The following PYGO1 variants were observed in gnomAD, a reference collection of about 807,000 sequenced individuals.
The protein encoded by PYGO1 is pygopus homolog 1.
A neutral mutation model predicts 29.5 loss-of-function variants in PYGO1; 6 were observed. The observed-to-expected ratio is 0.20, with a 90% CI of 0.11 to 0.40. PYGO1 has a LOEUF of 0.40. Ranked by LOEUF, PYGO1 falls within the 10% of genes least tolerant of loss-of-function variation. PYGO1 has a pLI of 1.00. For synonymous variants in PYGO1, 186 were observed against 180.5 expected, an observed-to-expected ratio of 1.03 and a Z score of -0.24; for missense variants, 515 against 514.9, an observed-to-expected ratio of 1.00 and a Z score of 0.00.
rs1001184185 is a variant in PYGO1, at chr15:55,546,505, A to G, written c.778T>C (p.Leu260=). The stretch of plus-strand genomic sequence containing the variant: ...TGATTCACTGTGTCATCCATATTCA[A>G]GTGAGGTGGATGAGCAGAGGAATTT... The part of the protein sequence containing the change: ...NQNSSAHPPH[L]NMDDTVNQSN... The change falls in exon 3 of 3, where the codon TTG becomes CTG. Residue 260 remains leucine, a synonymous_variant. Transcript: ENST00000563719. The G allele has an allele frequency of 2.5e-6, 4 of 1,614,042 alleles. No individual in the cohort carries two copies. The highest frequency in any genetic ancestry group is 3.3e-5 in the Admixed American group (2 of 60,016).
At chr15:55,554,719 T>A (rs1224151216) in intron 1 of PYGO1, among the ~76,000 whole-genome samples, 2 of 152,008 alleles carry the variant, frequency 1.3e-5, no homozygotes, top group Non-Finnish European at 2.9e-5. Flanking sequence ...GAGAACCTCA[T>A]GATGTAATTA....
chr15:55,548,176 C>T (rs1160055155), intron 2 of PYGO1, among the ~76,000 whole-genome samples: 2 of 151,962 alleles, frequency 1.3e-5, no homozygotes, highest in African/African-American at 4.8e-5. Flanking sequence ...TGTGCCACCA[C>T]ACCCGGCTAA....
intron 1 of PYGO1, among the ~76,000 whole-genome samples, chr15:55,565,548 A>C (rs1362069229): frequency 6.6e-6 from 1 of 151,440 alleles, no homozygotes; most frequent in African/African-American, 2.4e-5. Flanking sequence ...TACTAAAAAT[A>C]AAAATTAAAA....
rs1350890761 is a variant in PYGO1, at chr15:55,588,057, G to T, written c.-174C>A. The T allele has an allele frequency of 8.7e-7, 1 of 1,146,578 alleles. No individual in the cohort carries two copies. The highest frequency in any genetic ancestry group is 1.1e-6 in the Non-Finnish European group (1 of 933,604). The allele number at this position is 1,146,578 out of a possible 1,614,324, so 71.0% of individuals were successfully genotyped here. On this transcript the variant is annotated 5_prime_UTR_variant, in exon 1 of 3. Transcript: ENST00000563719. The stretch of plus-strand genomic sequence containing the variant: ...CCGACTTTGCAAAGTTTGGGAGGAG[G>T]ACGAGGCCTCGGGGCGGCGGGGCGG...
At chr15:55,586,821 C>T (rs1266077321) in intron 1 of PYGO1, among the ~76,000 whole-genome samples, 2 of 152,214 alleles carry the variant, frequency 1.3e-5, no homozygotes, top group East Asian at 1.9e-4. Context: ...CCATACTTCC[C>T]ATCCCCACAC....
chr15:55,554,651 A>G (rs9744862), intron 1 of PYGO1, among the ~76,000 whole-genome samples: 47,046 of 151,780 alleles, frequency 0.31, 7,623 homozygotes, highest in Middle Eastern at 0.41. Flanking sequence ...GCTGATAACC[A>G]GAAGAGCCAG....
intron 1 of PYGO1, among the ~76,000 whole-genome samples, chr15:55,582,593 T>C (rs2059029703): frequency 6.6e-6 from 1 of 152,130 alleles, no homozygotes; most frequent in Non-Finnish European, 1.5e-5. Flanking sequence ...CATGAGCTCA[T>C]ACACTCCCAA....
intron 2 of PYGO1, among the ~76,000 whole-genome samples, chr15:55,547,953 T>C (rs1373348480): frequency 6.6e-6 from 1 of 152,258 alleles, no homozygotes; most frequent in Non-Finnish European, 1.5e-5. Flanking sequence ...TTTTGAAATC[T>C]TTTAATAGAA....
chr15:55,573,003 G>A (rs559979734), intron 1 of PYGO1, among the ~76,000 whole-genome samples: 2 of 94,106 alleles, frequency 2.1e-5, no homozygotes, highest in Middle Eastern at 5.6e-3. Context: ...GTGAGACTCT[G>A]TCTTTAAAAA....
chr15:55,580,822 G>T (rs927692114), intron 1 of PYGO1, among the ~76,000 whole-genome samples: 5 of 152,124 alleles, frequency 3.3e-5, no homozygotes, highest in African/African-American at 9.7e-5. Context: ...GACCTATCGG[G>T]TTGCCTAAAA....
chr15:55,581,133 A>T (rs2141677478), intron 1 of PYGO1, among the ~76,000 whole-genome samples: 1 of 152,348 alleles, frequency 6.6e-6, no homozygotes, highest in South Asian at 2.1e-4. Context: ...GAGAGAACAT[A>T]AGGAACTCCC....
Position 55,546,291 on chromosome 15 carries a change from C to T in PYGO1, c.992G>A (p.Arg331His), listed in dbSNP as rs561670102. The change falls in exon 3 of 3, where the codon CGT (arginine) becomes CAT (histidine). Residue 331 changes from arginine to histidine, a missense_variant. Coordinates refer to ENST00000563719, the MANE Select transcript of PYGO1 (RefSeq NM_001367806.1). ...KSNKSSLHPN[R>H]HGHSSSDPVY... ...TGGGTCAGAAGACGAATGGCCATGA[C>T]GGTTTGGGTGAAGAGAGGATTTATT... 7.4e-6 allele frequency: 12 copies of T among 1,614,148 alleles called. No individual in the cohort carries two copies. Among genetic ancestry groups the T allele is most frequent in the African/African-American group, 1.3e-5 (1 of 75,018 alleles).
chr15:55,565,745 G>C (rs568551808), intron 1 of PYGO1, among the ~76,000 whole-genome samples: 5 of 151,924 alleles, frequency 3.3e-5, no homozygotes, highest in South Asian at 2.1e-4. Flanking sequence ...AAAACAAAAA[G>C]AAACATATTT....
In PYGO1 at chr15:55,539,477, T is replaced by C. The variant is rs2058820135; in HGVS notation, c.*6546A>G. 1 of 152,106 alleles carries C rather than the reference T, an allele frequency of 6.6e-6. No individual in the cohort carries two copies. The highest frequency in any genetic ancestry group is 6.6e-5 in the Admixed American group (1 of 15,264). The allele number at this position is 152,106 out of a possible 1,614,324, so 9.4% of individuals were successfully genotyped here. ...AATTTGGGGTAATCTAGTCATTTCA[T>C]ACTTTATTTAAATTTTTCCACAAAG... is the stretch of plus-strand genomic sequence containing the variant. On this transcript the variant is annotated 3_prime_UTR_variant, in exon 3 of 3. Transcript: ENST00000563719.
intron 1 of PYGO1, among the ~76,000 whole-genome samples, chr15:55,577,931 T>C (rs1387193872): frequency 1.3e-5 from 2 of 152,004 alleles, no homozygotes; most frequent in Non-Finnish European, 2.9e-5. Flanking sequence ...GCTGCCACCA[T>C]GCTTGGTGAA....
chr15:55,561,408 G>A (rs139932268), intron 1 of PYGO1, among the ~76,000 whole-genome samples: 9 of 152,242 alleles, frequency 5.9e-5, no homozygotes, highest in East Asian at 1.9e-4. Flanking sequence ...CACATGGCCC[G>A]GGAGGCCTCA....
intron 1 of PYGO1, among the ~76,000 whole-genome samples, chr15:55,557,863 A>T (rs1425161061): frequency 1.3e-5 from 2 of 152,358 alleles, no homozygotes; most frequent in East Asian, 3.9e-4. Context: ...GGAGCTATTT[A>T]TGACATACCC....
At chr15:55,559,723 G>A (rs1300122188) in intron 1 of PYGO1, among the ~76,000 whole-genome samples, 1 of 152,128 alleles carries the variant, frequency 6.6e-6, no homozygotes, top group Non-Finnish European at 1.5e-5. Flanking sequence ...AAACCTGGCA[G>A]AGATAAAACA....
intron 1 of PYGO1, among the ~76,000 whole-genome samples, chr15:55,563,859 G>A (rs187308550): frequency 4.6e-5 from 7 of 152,160 alleles, no homozygotes; most frequent in East Asian, 1.9e-4. Flanking sequence ...AATTAAAACC[G>A]CAATGAGATA....
Sources: gnomAD v4.1 joint callset for allele counts (sites outside exome capture counted in the v4.1 genomes callset) on GRCh38, gnomAD v4.1.1 for gene constraint, MANE v1.5 for transcripts, NCBI Gene and HGNC (gene_info 2026-07-23, HGNC 2026-07-21) for gene names.